PRDM5: variants seen among roughly 807,000 people sequenced by gnomAD.
PRDM5 encodes the protein PR/SET domain 5.
A neutral mutation model predicts 81.2 loss-of-function variants in PRDM5; 56 were observed. The observed-to-expected ratio is 0.69, with a 90% CI of 0.56 to 0.86. PRDM5 has a LOEUF of 0.86. PRDM5 is among the 40% of genes least tolerant of loss of function. The probability of loss-of-function intolerance (pLI) is 0.00; values close to 1 mark genes in which losing one functional copy is unlikely to be tolerated. For synonymous variants in PRDM5, 267 were observed against 256.4 expected (o/e 1.04, Z -0.39); for missense variants, 697 against 770.1 (o/e 0.91, Z 1.12).
intron 7 of PRDM5, among the ~76,000 whole-genome samples, chr4:120,814,619 C>T (rs1754252833): frequency 6.6e-6 from 1 of 152,154 alleles, no homozygotes; most frequent in Non-Finnish European, 1.5e-5. Context: ...AAAACATTTG[C>T]CATCAAAGAT....
chr4:120,706,085 CT>C (rs5861484), intron 15 of PRDM5, among the ~76,000 whole-genome samples: 37,765 of 143,160 alleles, frequency 0.26, 4,847 homozygotes, highest in Non-Finnish European at 0.29. Context: ...GATCCTAGAT[CT>C]TTTTTTTTTT....
At chr4:120,742,439 G>C (rs986897484) in intron 14 of PRDM5, among the ~76,000 whole-genome samples, 28 of 152,230 alleles carry the variant, frequency 1.8e-4, no homozygotes, top group Non-Finnish European at 3.7e-4. Context: ...GAATGACTTT[G>C]ACGAGTTGAG....
intron 14 of PRDM5, among the ~76,000 whole-genome samples, chr4:120,735,796 G>A (rs978775370): frequency 1.3e-5 from 2 of 152,056 alleles, no homozygotes; most frequent in African/African-American, 2.4e-5. Flanking sequence ...ACAAAAAATT[G>A]TCAGCAGGCT....
chr4:120,750,441 T>C (rs746432019), intron 14 of PRDM5, among the ~76,000 whole-genome samples: 76 of 152,166 alleles, frequency 5.0e-4, no homozygotes, highest in Non-Finnish European at 4.0e-4. Context: ...TGCCAAAACC[T>C]GATGGTGAGG....
At chr4:120,789,321 C>T (rs1750234614) in intron 10 of PRDM5, among the ~76,000 whole-genome samples, 1 of 152,124 alleles carries the variant, frequency 6.6e-6, no homozygotes, top group Admixed American at 6.6e-5. Flanking sequence ...CAGATTAATA[C>T]ATTTCTAGCC....
At chr4:120,769,079 T>C (rs1746842022) in intron 13 of PRDM5, among the ~76,000 whole-genome samples, 1 of 152,196 alleles carries the variant, frequency 6.6e-6, no homozygotes, top group East Asian at 1.9e-4. Context: ...AATAATTTTA[T>C]GGTCAACTAA....
At chr4:120,876,354 T>G (rs1762329354) in intron 2 of PRDM5, among the ~76,000 whole-genome samples, 1 of 152,234 alleles carries the variant, frequency 6.6e-6, no homozygotes, top group South Asian at 2.1e-4. Flanking sequence ...TATTGTACTA[T>G]TCATCATTCT....
chr4:120,769,500 T>C (rs1377682378), intron 13 of PRDM5, among the ~76,000 whole-genome samples: 3 of 152,164 alleles, frequency 2.0e-5, no homozygotes, highest in South Asian at 2.1e-4. Flanking sequence ...GGGTCGGTAG[T>C]TGATAAGTCT....
chr4:120,863,225 C>CACACAT (rs1553997195), intron 2 of PRDM5, among the ~76,000 whole-genome samples: 52 of 138,706 alleles, frequency 3.7e-4, no homozygotes, highest in Non-Finnish European at 7.2e-4. Context: ...CACACACACA[C>CACACAT]ATATATATGT....
At chr4:120,700,250 C>A (rs934094171) in intron 15 of PRDM5, among the ~76,000 whole-genome samples, 2 of 152,232 alleles carry the variant, frequency 1.3e-5, no homozygotes, top group African/African-American at 4.8e-5. Flanking sequence ...TATTGGCTAG[C>A]CATATGCAGA....
In PRDM5 at chr4:120,821,198, T is replaced by C. The variant is rs749616603; in HGVS notation, c.448A>G (p.Arg150Gly). 5 of 1,614,182 alleles carry C rather than the reference T, an allele frequency of 3.1e-6. No homozygotes were observed. Among genetic ancestry groups the C allele is most frequent in the East Asian group, 2.2e-5 (1 of 44,878 alleles). ...VIKEGEVENS[R>G]RQSTAGRKDR... ...TTTCTGCCCGCTGTTGATTGTCTTC[T>C]AGAATTTTCAACTTCCCCTTCTTTG... Residue 150 changes from arginine to glycine, a missense_variant, in exon 4 of 16, where the codon AGA becomes GGA. Around this residue, in one of 3 missense-constraint regions of PRDM5, gnomAD observed 577 missense variants for 606.7 expected, o/e 0.95. Coordinates refer to ENST00000264808, the MANE Select transcript of PRDM5 (RefSeq NM_018699.4).
chr4:120,742,748 G>A (rs1053006866), intron 14 of PRDM5, among the ~76,000 whole-genome samples: 4 of 152,058 alleles, frequency 2.6e-5, no homozygotes, highest in African/African-American at 9.7e-5. Flanking sequence ...AAAAAGAAAC[G>A]AGCAAAGCCT....
rs1005002867 is a variant in PRDM5 at position 120,853,494 on chromosome 4, T to C, written c.224A>G (p.Asn75Ser). 3 of 1,613,774 alleles carry C rather than the reference T, an allele frequency of 1.9e-6. No individual in the cohort carries two copies. Among genetic ancestry groups the C allele is most frequent in the Non-Finnish European group, 2.5e-6 (3 of 1,179,744 alleles). The stretch of plus-strand genomic sequence containing the variant: ...GCGAAGCCAGTTGGAGTGCCGTGGG[T>C]TGGTAGCATCCAAAATGTACAAAAC... ...GEVLYILDAT[N>S]PRHSNWLRFV... Residue 75 changes from asparagine to serine, a missense_variant, in exon 3 of 16, where the codon AAC becomes AGC. By Grantham distance (46) the Asn-to-Ser change is conservative (BLOSUM62 1). Coordinates refer to ENST00000264808, the MANE Select transcript of PRDM5 (RefSeq NM_018699.4).
At chr4:120,773,722 A>G (rs972428315) in intron 13 of PRDM5, among the ~76,000 whole-genome samples, 2 of 152,190 alleles carry the variant, frequency 1.3e-5, no homozygotes, top group Non-Finnish European at 2.9e-5. Flanking sequence ...CACTGTAATA[A>G]CACCCAAAAT....
Position 120,725,044 on chromosome 4 carries a change from T to C in PRDM5, c.1624-14631A>G, listed in dbSNP as rs568979311. 4.6e-5 allele frequency among the ~76,000 whole-genome samples: 7 copies of C among 152,340 alleles called. No homozygotes were observed. In the South Asian group the frequency reaches 1.0e-3, roughly 23 times the overall value. On this transcript the variant is annotated intron_variant, in intron 14 of 15. Transcript: ENST00000264808. ...TTGTCCTGGCAGAGATCTTGCTAGA[T>C]TTTAGTTTGCTCAAAAGTCATAAAA...
intron 3 of PRDM5, among the ~76,000 whole-genome samples, chr4:120,835,920 G>A (rs553567578): frequency 6.6e-6 from 1 of 152,250 alleles, no homozygotes; most frequent in South Asian, 2.1e-4. Context: ...ATGTTGCCTT[G>A]GAGTCTGAGA....
chr4:120,746,934 G>A (rs1743176124), intron 14 of PRDM5, among the ~76,000 whole-genome samples: 1 of 150,996 alleles, frequency 6.6e-6, no homozygotes, highest in Non-Finnish European at 1.5e-5. Flanking sequence ...CCATTACTGG[G>A]TATATACCCA....
intron 13 of PRDM5, among the ~76,000 whole-genome samples, chr4:120,755,471 A>C (rs1744596825): frequency 6.6e-6 from 1 of 152,224 alleles, no homozygotes; most frequent in Admixed American, 6.5e-5. Context: ...GATCAATATA[A>C]TAAAATATTT....
At chr4:120,758,650 T>G (rs929102414) in intron 13 of PRDM5, among the ~76,000 whole-genome samples, 2 of 152,160 alleles carry the variant, frequency 1.3e-5, no homozygotes, top group Non-Finnish European at 2.9e-5. Flanking sequence ...TGCCTTGATC[T>G]CAGACTTACA....
Sources: gnomAD v4.1 joint callset for allele counts (sites outside exome capture counted in the v4.1 genomes callset) on GRCh38, gnomAD v4.1.1 for gene constraint, gnomAD v4.1.1 regional missense constraint, MANE v1.5 for transcripts, NCBI Gene and HGNC (gene_info 2026-07-23, HGNC 2026-07-21) for gene names.